The following RPS6KA1 variants were observed in gnomAD, a reference collection of about 807,000 sequenced individuals.
RPS6KA1 encodes the protein ribosomal protein S6 kinase A1, also known as ribosomal protein S6 kinase alpha-1.
A neutral mutation model predicts 91.3 loss-of-function variants in RPS6KA1; 48 were observed. The ratio of observed to expected loss-of-function variants is 0.53; its 90% CI spans 0.42 to 0.67. RPS6KA1 has a LOEUF of 0.67. RPS6KA1 is among the 30% of genes least tolerant of loss of function. The pLI is 0.00. For synonymous variants in RPS6KA1, 359 were observed against 384.7 expected, an observed-to-expected ratio of 0.93 and a Z score of 0.78; for missense variants, 719 against 960.5, an observed-to-expected ratio of 0.75 and a Z score of 3.32.
chr1:26,553,272 G>T, intron 6 of RPS6KA1, 119 bp from the exon 7 acceptor site: 1 of 656,136 alleles, frequency 1.5e-6, no homozygotes, highest in Non-Finnish European at 2.8e-6. Context: ...TATATGGCCT[G>T]GGGTTTCCAA....
chr1:26,552,155 C>T (rs867174154), intron 6 of RPS6KA1, among the ~76,000 whole-genome samples: 1 of 152,024 alleles, frequency 6.6e-6, no homozygotes, highest in African/African-American at 2.4e-5. Context: ...TTTGGGAGGC[C>T]GAGGTGGGCA....
Position 26,573,207 on chromosome 1 carries a change from G to A in RPS6KA1, c.1948-17G>A, listed in dbSNP as rs2076265376. ...CCTGCAGCCCTCCCCCAACCCCCTT[G>A]CCCACTGTGTCCCCAGGACCTGGTG... On this transcript the variant is annotated splice_polypyrimidine_tract_variant and intron_variant, in intron 20 of 21. Transcript: ENST00000374168. 1 of 1,612,864 alleles carries A rather than the reference G, an allele frequency of 6.2e-7. No individual in the cohort carries two copies. Among genetic ancestry groups the A allele is most frequent in the Non-Finnish European group, 8.5e-7 (1 of 1,179,488 alleles).
intron 2 of RPS6KA1, chr1:26,543,311 T>A: frequency 1.0e-6 from 1 of 1,003,726 alleles, no homozygotes; most frequent in East Asian, 2.6e-5. Context: ...CCTTGGGATT[T>A]CTGGGTGGTT....
chr1:26,530,232 C>A (rs910287965), intron 1 of RPS6KA1, among the ~76,000 whole-genome samples: 3 of 152,242 alleles, frequency 2.0e-5, no homozygotes, highest in African/African-American at 7.2e-5. Flanking sequence ...GCGCTGAGAT[C>A]TGGTCGCCTT....
At chr1:26,544,173 C>T (rs573062038) in intron 2 of RPS6KA1, 2 of 456,354 alleles carry the variant, frequency 4.4e-6, no homozygotes, top group East Asian at 1.4e-4. Context: ...GACCTATCTG[C>T]CCTAGGTATT....
At position 26,572,178 on chromosome 1, in the gene RPS6KA1, A is replaced by G. The variant is rs774919029; in HGVS notation, c.1832A>G (p.Tyr611Cys). Residue 611 changes from tyrosine to cysteine, a missense_variant and splice_region_variant, in exon 20 of 22, where the codon TAT becomes TGT. Coordinates refer to ENST00000374168, the MANE Select transcript of RPS6KA1 (RefSeq NM_002953.4). Reference sequence around the variant, plus strand: ...AGACCGTGCGGGCTTTTCTGCAGATATACTCCATTTGCCAACGGTCCCAGT... The same window carrying G: ...AGACCGTGCGGGCTTTTCTGCAGATGTACTCCATTTGCCAACGGTCCCAGT... Reference protein sequence around the residue: ...GILLYTMLAGYTPFANGPSDT... With the variant: ...GILLYTMLAGCTPFANGPSDT... 1.9e-6 allele frequency: 3 copies of G among 1,613,228 alleles called. No homozygotes were observed. The Admixed American group carries it at 5.0e-5, about 27-fold the overall frequency.
rs1204426830 is a variant in RPS6KA1 at position 26,556,733 on chromosome 1, C to T, written c.981+15C>T. ...TTGACTGGAATGTGAGTGTGTCCAC[C>T]CACACCAGGGCTCTGGCCAGGGCTC... On this transcript the variant is annotated intron_variant, in intron 12 of 21. Coordinates refer to ENST00000374168, the MANE Select transcript of RPS6KA1 (RefSeq NM_002953.4). The T allele has an allele frequency of 6.2e-7, 1 of 1,612,596 alleles. No homozygotes were observed. Among genetic ancestry groups the T allele is most frequent in the East Asian group, 2.2e-5 (1 of 44,866 alleles).
chr1:26,538,359 A>G (rs2075921699), intron 2 of RPS6KA1, among the ~76,000 whole-genome samples: 1 of 152,212 alleles, frequency 6.6e-6, no homozygotes, highest in South Asian at 2.1e-4. Flanking sequence ...AGCTTGCAGC[A>G]TTTAGGGACC....
intron 13 of RPS6KA1, among the ~76,000 whole-genome samples, chr1:26,557,597 A>G (rs903140074): frequency 6.6e-5 from 10 of 152,130 alleles, no homozygotes; most frequent in Non-Finnish European, 1.2e-4. Context: ...AAACCCACTC[A>G]TTCCCTGGGG....
At chr1:26,538,620 A>G (rs1203641916) in intron 2 of RPS6KA1, among the ~76,000 whole-genome samples, 1 of 152,202 alleles carries the variant, frequency 6.6e-6, no homozygotes, top group Non-Finnish European at 1.5e-5. Flanking sequence ...TTCTAACTAC[A>G]TCCTTGGAGG....
In RPS6KA1 at chr1:26,574,424, G is replaced by C. The variant is rs755547404; in HGVS notation, c.*223G>C. On this transcript the variant is annotated 3_prime_UTR_variant, in exon 22 of 22. Transcript: ENST00000374168. The surrounding 1 kb of genome is among the most constrained non-coding windows in gnomAD (Gnocchi z 4.3). ...CTCTGCTGGTGGAAAGCGATTCACT[G>C]TATAAACTTTTTTTTATGAAAAAAA... 1 of 755,840 alleles carries C rather than the reference G, an allele frequency of 1.3e-6. No homozygotes were observed. The highest frequency in any genetic ancestry group is 2.5e-6 in the Non-Finnish European group (1 of 405,944). The allele number at this position is 755,840 out of a possible 1,614,324, so 46.8% of individuals were successfully genotyped here.
In RPS6KA1 at chr1:26,536,152, TAAAA is replaced by T. The variant is rs35238041; in HGVS notation, c.64-751_64-748del. 3.9e-4 allele frequency among the ~76,000 whole-genome samples: 29 copies of T among 74,430 alleles called. No homozygotes were observed. In the East Asian group the frequency reaches 9.3e-3, roughly 24 times the overall value. 48.8% of individuals were successfully genotyped at this position (74,430 alleles called of 152,430 possible). On this transcript the variant is annotated intron_variant, in intron 1 of 21. Transcript: ENST00000374168. Reference sequence around the variant, plus strand: ...CTCAGCAACAGAGCAAAACTCTGTCTAAAAAAAAAAAAAAAAAAAAAAAAAGTGG... The same window carrying T: ...CTCAGCAACAGAGCAAAACTCTGTCTAAAAAAAAAAAAAAAAAAAAAGTGG...
intron 2 of RPS6KA1, chr1:26,545,921 G>T (rs549932151): frequency 1.3e-6 from 2 of 1,585,260 alleles, no homozygotes; most frequent in African/African-American, 1.3e-5. Flanking sequence ...ATCCCAAGCC[G>T]CCCCGTCTGC....
chr1:26,534,654 T>C (rs1397846526), intron 1 of RPS6KA1, among the ~76,000 whole-genome samples: 1 of 152,322 alleles, frequency 6.6e-6, no homozygotes, highest in Admixed American at 6.5e-5. Flanking sequence ...TTATAGGCAT[T>C]ATTTCATTTG....
At chr1:26,553,629 G>C in intron 7 of RPS6KA1, 132 bp downstream of exon 7, 1 of 525,890 alleles carries the variant, frequency 1.9e-6, no homozygotes, top group South Asian at 2.8e-5. Flanking sequence ...AGGGATGGGT[G>C]AGTGGGGTGG....
In RPS6KA1 at chr1:26,554,184, G is replaced by A. The variant is rs2076078089; in HGVS notation, c.576-30G>A. Reference sequence around the variant, plus strand: ...CCATCACCCACACGGCCACAGCTGAGGGGCCCTGACCACTATTTCTCTATT... The same window carrying A: ...CCATCACCCACACGGCCACAGCTGAAGGGCCCTGACCACTATTTCTCTATT... On this transcript the variant is annotated intron_variant, in intron 7 of 21. Coordinates refer to ENST00000374168, the MANE Select transcript of RPS6KA1 (RefSeq NM_002953.4). The surrounding 1 kb of genome is among the most constrained non-coding windows in gnomAD (Gnocchi z 4.6). The A allele has an allele frequency of 1.9e-6, 3 of 1,550,926 alleles. No individual in the cohort carries two copies. The South Asian group carries it at 3.6e-5, about 18-fold the overall frequency.
intron 4 of RPS6KA1, among the ~76,000 whole-genome samples, chr1:26,548,813 A>AAAAT (rs1376230578): frequency 6.6e-6 from 1 of 151,978 alleles, no homozygotes; most frequent in Admixed American, 6.6e-5. Flanking sequence ...AAAAAAAAAA[A>AAAAT]AGAAAAAAGA....
Position 26,555,364 on chromosome 1 carries a change from G to A in RPS6KA1, c.827+143G>A. 9.7e-7 allele frequency: 1 copy of A among 1,028,884 alleles called. No individual in the cohort carries two copies. The highest frequency in any genetic ancestry group is 1.5e-5 in the South Asian group (1 of 66,000). The allele number at this position is 1,028,884 out of a possible 1,614,324, so 63.7% of individuals were successfully genotyped here. The stretch of plus-strand genomic sequence containing the variant: ...TCTGGGTTAAACATTATACCTTCCA[G>A]AGCCCCTCTTTCATCCCTGGGGGCC... On this transcript the variant is annotated intron_variant, in intron 10 of 21. Coordinates refer to ENST00000374168, the MANE Select transcript of RPS6KA1 (RefSeq NM_002953.4). This position sits in a 1 kb window ranked among gnomAD's most constrained non-coding sequence, Gnocchi z 4.3.
At chr1:26,545,335 A>ATTTT (rs35845328) in intron 2 of RPS6KA1, among the ~76,000 whole-genome samples, 2 of 142,572 alleles carry the variant, frequency 1.4e-5, no homozygotes, top group Non-Finnish European at 1.5e-5. Flanking sequence ...CGCCTGGCCA[A>ATTTT]TTTTTTTTTT....
Sources: allele counts gnomAD v4.1 joint callset (sites outside exome capture counted in the v4.1 genomes callset), GRCh38; gene constraint gnomAD v4.1.1; non-coding constraint Gnocchi (gnomAD v3.1); transcripts MANE v1.5; gene names NCBI Gene and HGNC (gene_info 2026-07-23, HGNC 2026-07-21).